DNAH12: variants seen among roughly 807,000 people sequenced by gnomAD.
DNAH12 encodes the protein dynein axonemal heavy chain 12.
In DNAH12, 285 loss-of-function variants were observed where a neutral mutation model predicts 371.5. The observed-to-expected ratio is 0.77, with a 90% CI of 0.70 to 0.85. The LOEUF (loss-of-function observed/expected upper bound fraction) is 0.85. DNAH12 is among the 40% of genes least tolerant of loss of function. DNAH12 has a pLI of 0.00. For missense variants in DNAH12, 3,611 were observed against 3,689.4 expected (o/e 0.98, Z 0.55); for synonymous variants, 1,200 against 1,213.0 (o/e 0.99, Z 0.22).
intron 69 of DNAH12, 113 bp from the exon 70 acceptor site, chr3:57,302,052 ATG>A: frequency 9.2e-7 from 1 of 1,084,958 alleles, no homozygotes; most frequent in Non-Finnish European, 1.3e-6. Context: ...GCTTCCCAAA[ATG>A]TGTCACCTCC....
chr3:57,525,088 C>T (rs1187469782), intron 2 of DNAH12, among the ~76,000 whole-genome samples: 2 of 133,024 alleles, frequency 1.5e-5, no homozygotes, highest in East Asian at 2.2e-4. Flanking sequence ...TCAAGTACGA[C>T]AGGAATGACG....
intron 4 of DNAH12, chr3:57,520,108 A>C: frequency 8.2e-6 from 4 of 485,050 alleles, no homozygotes; most frequent in South Asian, 2.3e-5. Context: ...TCTTCTACCT[A>C]TTTTCTTTTC....
In DNAH12 at chr3:57,309,272, G is replaced by A. The variant is rs1396806166; in HGVS notation, c.11086-18C>T. ...CTAGGGAGCTAAAAGAATAGATTTT[G>A]AAGATCACAAATTATTCTCAGAATG... On this transcript the variant is annotated intron_variant, in intron 68 of 73. Transcript: ENST00000495027. 6.6e-6 allele frequency: 10 copies of A among 1,520,588 alleles called. No homozygotes were observed. In the East Asian group the frequency reaches 2.5e-4, roughly 37 times the overall value. 94.2% of individuals were successfully genotyped at this position (1,520,588 alleles called of 1,614,324 possible).
intron 13 of DNAH12, among the ~76,000 whole-genome samples, chr3:57,477,129 C>T (rs7612825): frequency 0.54 from 82,735 of 151,998 alleles, 24,641 homozygotes; most frequent in South Asian, 0.73. Context: ...GGTGAGGCAT[C>T]GCCTCACCTG....
chr3:57,547,703 A>C (rs1203863195), upstream of DNAH12, among the ~76,000 whole-genome samples: 3 of 152,192 alleles, frequency 2.0e-5, no homozygotes, highest in Non-Finnish European at 2.9e-5. Context: ...AGTTTTCTTA[A>C]CTCTGAAAGA....
chr3:57,360,195 C>T (rs943173936), intron 58 of DNAH12, among the ~76,000 whole-genome samples: 11 of 152,102 alleles, frequency 7.2e-5, no homozygotes, highest in Non-Finnish European at 1.6e-4. Flanking sequence ...GGAGACACTA[C>T]AGAATATCTC....
At chr3:57,330,611 C>T (rs925410415) in intron 62 of DNAH12, among the ~76,000 whole-genome samples, 2 of 150,162 alleles carry the variant, frequency 1.3e-5, no homozygotes, top group East Asian at 2.0e-4. Flanking sequence ...ATACCTAATG[C>T]CAGATGATGA....
At chr3:57,322,246 A>G in intron 65 of DNAH12, 97 bp downstream of exon 65, 5 of 1,270,150 alleles carry the variant, frequency 3.9e-6, no homozygotes, top group Non-Finnish European at 5.2e-6. Context: ...AAAACATTAA[A>G]TAAAAATGTT....
chr3:57,353,838 C>G (rs1263328477), intron 59 of DNAH12, among the ~76,000 whole-genome samples: 1 of 152,068 alleles, frequency 6.6e-6, no homozygotes, highest in Non-Finnish European at 1.5e-5. Context: ...CCATCTCACA[C>G]CAGTCAGAAT....
Position 57,296,838 on chromosome 3 carries a change from TTAC to T in DNAH12, c.11532+6_11532+8del, listed in dbSNP as rs1259989991. On this transcript the variant is annotated splice_donor_region_variant and intron_variant, in intron 71 of 73. Coordinates refer to ENST00000495027, the MANE Select transcript of DNAH12 (RefSeq NM_001366028.2). ...ATGATATACTGTTGACTTTAAGGAG[TTAC>T]TATACCTCAAATTCATATCCTAGCA... The T allele has an allele frequency of 1.3e-6, 2 of 1,551,052 alleles. No individual in the cohort carries two copies. The highest frequency in any genetic ancestry group is 1.4e-5 in the African/African-American group (1 of 72,996).
At chr3:57,380,539 T>G (rs2063367118) in intron 50 of DNAH12, among the ~76,000 whole-genome samples, 172 bp from the exon 51 acceptor site, 1 of 152,172 alleles carries the variant, frequency 6.6e-6, no homozygotes, top group Admixed American at 6.5e-5. Context: ...TGTGGTGCAA[T>G]ATCGGCTCAC....
intron 59 of DNAH12, among the ~76,000 whole-genome samples, chr3:57,356,948 G>A (rs1268742253): frequency 1.3e-5 from 2 of 151,688 alleles, no homozygotes; most frequent in African/African-American, 4.9e-5. Flanking sequence ...TCATCATGTT[G>A]GCCAGGCTGG....
rs1422610092 is a variant in DNAH12 at position 57,302,547 on chromosome 3, A to G, written c.11190-608T>C. ...ATCAGGTGTATATATATATATATAT[A>G]TATATATATATATATATGTATTTTT... On this transcript the variant is annotated intron_variant, in intron 69 of 73. Coordinates refer to ENST00000495027, the MANE Select transcript of DNAH12 (RefSeq NM_001366028.2). Among the ~76,000 whole-genome samples the G allele has an allele frequency of 1.0e-4, 9 of 87,480 alleles. No homozygotes were observed. The East Asian group carries it at 3.4e-3, about 33-fold the overall frequency. 57.4% of individuals were successfully genotyped at this position (87,480 alleles called of 152,430 possible).
intron 66 of DNAH12, among the ~76,000 whole-genome samples, chr3:57,314,205 G>A (rs1182589083): frequency 1.3e-5 from 2 of 152,134 alleles, no homozygotes; most frequent in African/African-American, 4.8e-5. Flanking sequence ...GGTCCTCGAT[G>A]ACAACACTGT....
At chr3:57,449,583 G>A (rs988680527) in intron 25 of DNAH12, among the ~76,000 whole-genome samples, 1 of 152,252 alleles carries the variant, frequency 6.6e-6, no homozygotes, top group African/African-American at 2.4e-5. Flanking sequence ...ACAGCCACTA[G>A]CCCAGGTGCT....
chr3:57,323,700 G>T, intron 62 of DNAH12, 81 bp from the exon 63 acceptor site: 4 of 1,359,222 alleles, frequency 2.9e-6, no homozygotes, highest in Middle Eastern at 2.0e-4. Flanking sequence ...AAACAACAAA[G>T]AATACAATTT....
intron 13 of DNAH12, among the ~76,000 whole-genome samples, chr3:57,474,065 G>C (rs574093015): frequency 6.6e-6 from 1 of 152,174 alleles, no homozygotes; most frequent in Non-Finnish European, 1.5e-5. Flanking sequence ...CTTAAGGTTG[G>C]GATAAAGATG....
chr3:57,410,850 A>G (rs2064179424), intron 39 of DNAH12, among the ~76,000 whole-genome samples: 1 of 151,880 alleles, frequency 6.6e-6, no homozygotes, highest in Non-Finnish European at 1.5e-5. Flanking sequence ...CGTCCTAGTA[A>G]ACTAGGAATA....
chr3:57,473,389 G>A (rs540370235), intron 13 of DNAH12, among the ~76,000 whole-genome samples: 2 of 152,172 alleles, frequency 1.3e-5, no homozygotes, highest in South Asian at 4.2e-4. Flanking sequence ...TGGAGGCTGA[G>A]GCAGGAGAAT....
Sources: allele counts gnomAD v4.1 joint callset (sites outside exome capture counted in the v4.1 genomes callset), GRCh38; gene constraint gnomAD v4.1.1; transcripts MANE v1.5; gene names NCBI Gene and HGNC (gene_info 2026-07-23, HGNC 2026-07-21).